The following ZMYM2 variants were observed in gnomAD, a reference collection of about 807,000 sequenced individuals.
ZMYM2 encodes zinc finger MYM-type containing 2.
In ZMYM2, 56 loss-of-function variants were observed where a neutral mutation model predicts 162.8. That is an observed-to-expected ratio of 0.34 (90% CI 0.28 to 0.43). ZMYM2 has a LOEUF of 0.43. Ranked by LOEUF, ZMYM2 falls within the 20% of genes least tolerant of loss-of-function variation. The pLI is 1.00. For synonymous variants in ZMYM2, 510 were observed against 541.6 expected, an observed-to-expected ratio of 0.94 and a Z score of 0.81; for missense variants, 1,275 against 1,621.8, an observed-to-expected ratio of 0.79 and a Z score of 3.67.
At chr13:19,937,370 C>A in the ZMYM2 span, among the ~76,000 whole-genome samples, 12 of 151,378 alleles carry the variant, frequency 7.9e-5, no homozygotes, top group African/African-American at 2.7e-4. Flanking sequence ...GAACTCCTGA[C>A]CTCGTGATCC....
the ZMYM2 span, among the ~76,000 whole-genome samples, chr13:19,886,084 T>C: frequency 6.8e-6 from 1 of 148,058 alleles, no homozygotes; most frequent in East Asian, 2.0e-4. Context: ...ATCTTTTATC[T>C]ACCTTTGCAA....
chr13:20,027,053 A>G, intron 8 of ZMYM2, 150 bp from the exon 9 acceptor site: 1 of 638,962 alleles, frequency 1.6e-6, no homozygotes, highest in East Asian at 3.0e-5. Flanking sequence ...TTATGACAAT[A>G]TTTTAAAAGT....
intron 12 of ZMYM2, among the ~76,000 whole-genome samples, chr13:20,039,939 C>T (rs1190134575): frequency 6.6e-6 from 1 of 152,204 alleles, no homozygotes; most frequent in East Asian, 1.9e-4. Context: ...ATAGAGCCTA[C>T]TTGATCATGG....
At chr13:19,871,876 TTAA>T in the ZMYM2 span, among the ~76,000 whole-genome samples, 8 of 152,290 alleles carry the variant, frequency 5.3e-5, no homozygotes, top group Non-Finnish European at 1.0e-4. Flanking sequence ...CAAAGGAAAG[TTAA>T]TAATAAAAAA....
chr13:20,046,225 G>GACAGAGCAAGAC (rs1428801857), intron 12 of ZMYM2, among the ~76,000 whole-genome samples: 1 of 151,978 alleles, frequency 6.6e-6, no homozygotes, highest in Non-Finnish European at 1.5e-5. Context: ...AAGCCTGGGT[G>GACAGAGCAAGAC]ACAGAGCAAG....
chr13:19,981,879 A>T (rs999296327), intron 2 of ZMYM2, among the ~76,000 whole-genome samples: 1 of 151,576 alleles, frequency 6.6e-6, no homozygotes, highest in Non-Finnish European at 1.5e-5. Flanking sequence ...CTGTGTGGAC[A>T]CTCTAAGCCG....
At position 20,055,771 on chromosome 13, in the gene ZMYM2, C is replaced by T. The variant is rs150883613; in HGVS notation, c.2494-2804C>T. 1.1e-4 allele frequency among the ~76,000 whole-genome samples: 17 copies of T among 151,984 alleles called. No individual in the cohort carries two copies. The East Asian group carries it at 3.3e-3, about 29-fold the overall frequency. ...AGGAAAAGATACAATAATGACTAAA[C>T]TTACGGATTCATGAGATTATGACCA... On this transcript the variant is annotated intron_variant, in intron 14 of 24. Coordinates refer to ENST00000610343, the MANE Select transcript of ZMYM2 (RefSeq NM_197968.4).
chr13:20,015,035 A>C (rs550242227), intron 6 of ZMYM2, among the ~76,000 whole-genome samples: 1 of 152,094 alleles, frequency 6.6e-6, no homozygotes, highest in Non-Finnish European at 1.5e-5. Context: ...TGCTGGGATT[A>C]TAGGTGTGAG....
Position 20,073,870 on chromosome 13 carries a change from A to C in ZMYM2, c.3453+6480A>C, listed in dbSNP as rs866875538. Among the ~76,000 whole-genome samples the C allele has an allele frequency of 3.3e-5, 5 of 152,110 alleles. No individual in the cohort carries two copies. In the South Asian group the frequency reaches 8.3e-4, roughly 25 times the overall value. ...GTTGTAGTAAAATATACATAACATA[A>C]AATTTACGGTTTTAAGCATTTTTAA... On this transcript the variant is annotated intron_variant, in intron 21 of 24. Coordinates refer to ENST00000610343, the MANE Select transcript of ZMYM2 (RefSeq NM_197968.4).
chr13:20,004,458 T>C (rs1348259461), intron 4 of ZMYM2, among the ~76,000 whole-genome samples: 7 of 152,116 alleles, frequency 4.6e-5, no homozygotes, highest in Admixed American at 4.6e-4. Context: ...GGTTTCACCA[T>C]GTTAGCCAGG....
intron 3 of ZMYM2, among the ~76,000 whole-genome samples, chr13:19,995,684 C>G (rs573579345): frequency 6.6e-6 from 1 of 152,048 alleles, no homozygotes; most frequent in Non-Finnish European, 1.5e-5. Flanking sequence ...CAGCCCCCCA[C>G]CTTTTTTTTT....
At chr13:19,933,678 T>A in the ZMYM2 span, among the ~76,000 whole-genome samples, 66 of 152,300 alleles carry the variant, frequency 4.3e-4, no homozygotes, top group African/African-American at 1.4e-3. Flanking sequence ...CAGATGATCC[T>A]ATGTAGAATT....
At chr13:19,887,331 C>G in the ZMYM2 span, among the ~76,000 whole-genome samples, 2 of 151,548 alleles carry the variant, frequency 1.3e-5, no homozygotes, top group East Asian at 3.9e-4. Context: ...GAGTTCCAGA[C>G]CAGCCTGGCC....
chr13:19,919,855 A>G, the ZMYM2 span, among the ~76,000 whole-genome samples: 27 of 151,732 alleles, frequency 1.8e-4, no homozygotes, highest in African/African-American at 6.3e-4. Flanking sequence ...TTGTATTTTT[A>G]GTAGAGACGG....
chr13:20,083,659 A>T lies in ZMYM2; in HGVS notation c.3824A>T (p.Lys1275Ile). Reference protein sequence around the residue: ...SSLCGTDNEDKITTGKRKHED... With the variant: ...SSLCGTDNEDIITTGKRKHED... ...TATTTCACTTTTATTTTTTAAGATA[A>T]AATTACTACTGGAAAAAGAAAACAT... The change falls in exon 24 of 25, where the codon AAA (lysine) becomes ATA (isoleucine). Residue 1275 changes from lysine (K) to isoleucine (I), a missense_variant. Coordinates refer to ENST00000610343, the MANE Select transcript of ZMYM2 (RefSeq NM_197968.4). The T allele has an allele frequency of 6.6e-7, 1 of 1,516,336 alleles. No individual in the cohort carries two copies. 93.9% of individuals were successfully genotyped at this position (1,516,336 alleles called of 1,614,324 possible).
At chr13:19,975,756 A>G (rs1956724403) in intron 2 of ZMYM2, among the ~76,000 whole-genome samples, 1 of 152,228 alleles carries the variant, frequency 6.6e-6, no homozygotes, top group African/African-American at 2.4e-5. Context: ...TGTTTTCCAC[A>G]GTGTGGTACC....
chr13:19,942,767 A>G, the ZMYM2 span, among the ~76,000 whole-genome samples: 255 of 152,210 alleles, frequency 1.7e-3, 1 homozygote, highest in African/African-American at 5.9e-3. Context: ...TTTTTAATGA[A>G]ATTTTATTTT....
chr13:20,060,825 A>G lies in ZMYM2; in HGVS notation c.2740-228A>G, dbSNP rs558953361. On this transcript the variant is annotated intron_variant, in intron 16 of 24. Coordinates refer to ENST00000610343, the MANE Select transcript of ZMYM2 (RefSeq NM_197968.4). The stretch of plus-strand genomic sequence containing the variant: ...CTTGGCTATTATAGTCCCCTGGGGG[A>G]CAGAAATACTTCAAAAATTCTTTTT... Among the ~76,000 whole-genome samples, 28 of 152,312 alleles carry G rather than the reference A, an allele frequency of 1.8e-4. 1 individual carries two copies. The East Asian group carries it at 5.4e-3, about 29-fold the overall frequency.
At chr13:19,999,099 T>C (rs1237365698) in intron 3 of ZMYM2, among the ~76,000 whole-genome samples, 1 of 152,134 alleles carries the variant, frequency 6.6e-6, no homozygotes, top group Non-Finnish European at 1.5e-5. Flanking sequence ...AAAGAGAAAA[T>C]ATGTCCTCTA....
Sources: allele counts gnomAD v4.1 joint callset (sites outside exome capture counted in the v4.1 genomes callset), GRCh38; gene constraint gnomAD v4.1.1; transcripts MANE v1.5; gene names NCBI Gene and HGNC (gene_info 2026-07-23, HGNC 2026-07-21).